Variants in SKAP2 observed in about 807,000 individuals in gnomAD.
The protein encoded by SKAP2 is src kinase associated phosphoprotein 2, also known as src kinase-associated phosphoprotein 2.
In SKAP2, 28 loss-of-function variants were observed where a neutral mutation model predicts 54.9. That is an observed-to-expected ratio of 0.51 (90% confidence interval 0.38 to 0.70). SKAP2 has a LOEUF of 0.70. SKAP2 is among the 30% of genes least tolerant of loss of function. The pLI is 0.00. For synonymous variants in SKAP2, 137 were observed against 134.3 expected (o/e 1.02, Z -0.14); for missense variants, 356 against 424.1 (o/e 0.84, Z 1.41).
intron 1 of SKAP2, among the ~76,000 whole-genome samples, chr7:26,859,795 T>C (rs73280769): frequency 0.017 from 2,575 of 152,324 alleles, 89 homozygotes; most frequent in African/African-American, 0.057. Context: ...TATTCAGTTT[T>C]AGGCAGCATC....
At chr7:26,676,494 TTC>T (rs1786352215) in intron 11 of SKAP2, among the ~76,000 whole-genome samples, 1 of 152,206 alleles carries the variant, frequency 6.6e-6, no homozygotes. Flanking sequence ...GGGCTTTTAT[TTC>T]TTTTTCCCTT....
chr7:26,743,699 C>T (rs2127963374), intron 4 of SKAP2, among the ~76,000 whole-genome samples: 1 of 152,198 alleles, frequency 6.6e-6, no homozygotes, highest in Middle Eastern at 3.4e-3. Flanking sequence ...TCTAAAGCAG[C>T]TCAAAATATT....
chr7:26,828,630 T>C (rs1784541836), intron 4 of SKAP2, among the ~76,000 whole-genome samples: 2 of 150,044 alleles, frequency 1.3e-5, no homozygotes, highest in South Asian at 2.1e-4. Context: ...TGAGCCAAGA[T>C]TGAGCCACTG....
chr7:26,845,163 C>T (rs532607781), intron 3 of SKAP2, among the ~76,000 whole-genome samples: 4 of 152,198 alleles, frequency 2.6e-5, no homozygotes, highest in Admixed American at 6.5e-5. Flanking sequence ...CCATAGGAAC[C>T]GCAGAGTGCC....
chr7:26,848,111 C>G (rs1784963000), intron 3 of SKAP2: 1 of 152,194 alleles, frequency 6.6e-6, no homozygotes, highest in Non-Finnish European at 1.5e-5. Context: ...GATCAAATTA[C>G]TATTAGCCAT....
intron 4 of SKAP2, among the ~76,000 whole-genome samples, chr7:26,810,432 G>T (rs1784118102): frequency 6.6e-6 from 1 of 152,158 alleles, no homozygotes; most frequent in Non-Finnish European, 1.5e-5. Context: ...GGAGGAATGG[G>T]GAGATGCTAG....
At position 26,774,057 on chromosome 7, in the gene SKAP2, A is replaced by C. The variant is rs1054061068; in HGVS notation, c.308-34093T>G. 8.7e-4 allele frequency among the ~76,000 whole-genome samples: 133 copies of C among 152,168 alleles called. 1 individual carries two copies. The highest frequency in any genetic ancestry group is 3.1e-3 in the African/African-American group (129 of 41,452). The stretch of plus-strand genomic sequence containing the variant: ...GCAGGACATGGTGGCTCATGCCCAT[A>C]ATACCAGTACTTCTGGAGGCCGAGG... On this transcript the variant is annotated intron_variant, in intron 4 of 12. Coordinates refer to ENST00000345317, the MANE Select transcript of SKAP2 (RefSeq NM_003930.5).
rs367843074 is a variant in SKAP2, at chr7:26,760,838, G to C, written c.308-20874C>G. On this transcript the variant is annotated intron_variant, in intron 4 of 12. Transcript: ENST00000345317. Reference sequence around the variant, plus strand: ...GAGGAGGCCAAAGGAAGGCCAAAAAGAAACAACATGAAAGAACTGTCTGAC... The same window carrying C: ...GAGGAGGCCAAAGGAAGGCCAAAAACAAACAACATGAAAGAACTGTCTGAC... Among the ~76,000 whole-genome samples the C allele has an allele frequency of 4.3e-4, 66 of 152,076 alleles. 1 individual carries two copies. The South Asian group carries it at 0.012, about 28-fold the overall frequency.
downstream of SKAP2, among the ~76,000 whole-genome samples, chr7:26,665,968 TTTA>T (rs930749452): frequency 2.7e-5 from 4 of 150,542 alleles, no homozygotes; most frequent in Admixed American, 2.6e-4. Context: ...ATCAAATGTT[TTTA>T]TTTTATATAT....
chr7:26,825,849 C>G (rs1784480957), intron 4 of SKAP2, among the ~76,000 whole-genome samples: 1 of 152,128 alleles, frequency 6.6e-6, no homozygotes, highest in Admixed American at 6.5e-5. Flanking sequence ...GAATGTATAT[C>G]TATAACTATT....
intron 4 of SKAP2, among the ~76,000 whole-genome samples, chr7:26,756,688 T>C (rs894729229): frequency 6.6e-6 from 1 of 152,224 alleles, no homozygotes; most frequent in Non-Finnish European, 1.5e-5. Context: ...CCTTTGGGTA[T>C]ATACCCAGTA....
At chr7:26,752,166 A>G (rs1307107208) in intron 4 of SKAP2, among the ~76,000 whole-genome samples, 1 of 152,156 alleles carries the variant, frequency 6.6e-6, no homozygotes, top group Non-Finnish European at 1.5e-5. Context: ...ATTCACTTAT[A>G]AGCTTTATAA....
At position 26,844,123 on chromosome 7, in the gene SKAP2, C is replaced by G. The variant is rs774143292; in HGVS notation, c.214G>C (p.Gly72Arg). 1.8e-5 allele frequency: 29 copies of G among 1,599,612 alleles called. No individual in the cohort carries two copies. In the South Asian group the frequency reaches 3.1e-4, roughly 17 times the overall value. Reference protein sequence around the residue: ...EFQDKGDAEDGEEYDDPFAGP... With the variant: ...EFQDKGDAEDREEYDDPFAGP... ...GCAAAAGGGTCATCATATTCTTCCC[C>G]ATCTTCTGCATCACCTGTTAAAAAA... is the stretch of plus-strand genomic sequence containing the variant. Residue 72 changes from glycine (G) to arginine (R), a missense_variant, in exon 4 of 13, where the codon GGG becomes CGG. By Grantham distance (125) the Gly-to-Arg change is moderately radical (BLOSUM62 -2). Transcript: ENST00000345317.
At chr7:26,856,499 T>G (rs1785166806) in intron 1 of SKAP2, among the ~76,000 whole-genome samples, 1 of 152,208 alleles carries the variant, frequency 6.6e-6, no homozygotes, top group African/African-American at 2.4e-5. Flanking sequence ...CTAGTACCAG[T>G]GCAAATTAGA....
At chr7:26,689,340 G>T (rs1297709951) in intron 10 of SKAP2, among the ~76,000 whole-genome samples, 1 of 152,180 alleles carries the variant, frequency 6.6e-6, no homozygotes, top group Non-Finnish European at 1.5e-5. Context: ...TAAGAAGGCA[G>T]TCTTTCTCTT....
intron 5 of SKAP2, 39 bp from the exon 6 acceptor site, chr7:26,738,917 C>T (rs1247725036): frequency 1.7e-6 from 2 of 1,183,968 alleles, no homozygotes; most frequent in Non-Finnish European, 2.5e-6. Context: ...CATTTCCTTA[C>T]TGTAAAAGAA....
chr7:26,815,444 G>T (rs1329817278), intron 4 of SKAP2, among the ~76,000 whole-genome samples: 1 of 152,132 alleles, frequency 6.6e-6, no homozygotes, highest in Non-Finnish European at 1.5e-5. Context: ...AATGGCCAAA[G>T]AAGATTCTCT....
At chr7:26,711,335 T>A (rs745790257) in intron 9 of SKAP2, among the ~76,000 whole-genome samples, 1 of 152,186 alleles carries the variant, frequency 6.6e-6, no homozygotes, top group Admixed American at 6.5e-5. Context: ...TAAATTATGG[T>A]ATATTTGAGA....
intron 9 of SKAP2, among the ~76,000 whole-genome samples, chr7:26,720,830 A>G (rs765287098): frequency 6.6e-4 from 100 of 152,228 alleles, no homozygotes; most frequent in Admixed American, 5.2e-4. Flanking sequence ...CCATCATTCA[A>G]TTATCTCCAC....
Sources: allele counts gnomAD v4.1 joint callset (sites outside exome capture counted in the v4.1 genomes callset), GRCh38; gene constraint gnomAD v4.1.1; transcripts MANE v1.5; gene names NCBI Gene and HGNC (gene_info 2026-07-23, HGNC 2026-07-21).